SLC35D4: variants seen among roughly 807,000 people sequenced by gnomAD.
SLC35D4 encodes the protein solute carrier family 35 member D4.
the SLC35D4 span, among the ~76,000 whole-genome samples, chr18:23,388,138 CTAGACCCAACTT>C: frequency 1.3e-5 from 2 of 152,176 alleles, no homozygotes; most frequent in African/African-American, 2.4e-5. Flanking sequence ...TCAGATAATT[CTAGACCCAACTT>C]TAGACTTCGA....
chr18:23,365,392 C>T, the SLC35D4 span, among the ~76,000 whole-genome samples: 2 of 152,164 alleles, frequency 1.3e-5, no homozygotes, highest in African/African-American at 4.8e-5. Flanking sequence ...GGAAATAGAC[C>T]TGTCTGTATA....
the SLC35D4 span, among the ~76,000 whole-genome samples, chr18:23,335,841 T>A: frequency 2.6e-5 from 4 of 152,194 alleles, no homozygotes; most frequent in Non-Finnish European, 4.4e-5. Flanking sequence ...TTTCATTTTT[T>A]AAAAAATTAT....
the SLC35D4 span, among the ~76,000 whole-genome samples, chr18:23,320,150 G>A: frequency 6.6e-6 from 1 of 152,222 alleles, no homozygotes; most frequent in Admixed American, 6.5e-5. Context: ...ACAAATATTA[G>A]ATCTTATGAA....
the SLC35D4 span, among the ~76,000 whole-genome samples, chr18:23,400,867 A>C: frequency 6.6e-6 from 1 of 152,198 alleles, no homozygotes; most frequent in East Asian, 1.9e-4. Context: ...TGGAGAACCT[A>C]GCATTTAAAT....
the SLC35D4 span, among the ~76,000 whole-genome samples, chr18:23,248,095 G>A: frequency 4.3e-4 from 65 of 152,326 alleles, no homozygotes; most frequent in South Asian, 4.8e-3. Context: ...TGGGCCTGGC[G>A]CGCTCTGCCA....
the SLC35D4 span, among the ~76,000 whole-genome samples, chr18:23,383,554 C>A: frequency 6.6e-6 from 1 of 151,992 alleles, no homozygotes; most frequent in Non-Finnish European, 1.5e-5. Context: ...GTGACAGGGA[C>A]AAGAGGGCAT....
At chr18:23,435,351 G>T in the SLC35D4 span, among the ~76,000 whole-genome samples, 1 of 152,010 alleles carries the variant, frequency 6.6e-6, no homozygotes, top group Non-Finnish European at 1.5e-5. Context: ...TGATTATGTG[G>T]AAATAAAAGA....
At chr18:23,292,547 C>T in the SLC35D4 span, among the ~76,000 whole-genome samples, 1 of 152,346 alleles carries the variant, frequency 6.6e-6, no homozygotes, top group African/African-American at 2.4e-5. Flanking sequence ...CAAATCACCT[C>T]AGAGATGTGA....
At chr18:23,419,046 T>C in the SLC35D4 span, among the ~76,000 whole-genome samples, 10 of 151,970 alleles carry the variant, frequency 6.6e-5, no homozygotes, top group Non-Finnish European at 8.8e-5. Flanking sequence ...AAGCAGTTAA[T>C]CTGATTAACG....
chr18:23,298,631 G>C, the SLC35D4 span, among the ~76,000 whole-genome samples: 22 of 152,202 alleles, frequency 1.4e-4, no homozygotes, highest in Non-Finnish European at 2.9e-4. Flanking sequence ...GACAGAGAGG[G>C]AAGAAGAGCT....
chr18:23,255,557 A>AT, the SLC35D4 span, among the ~76,000 whole-genome samples: 3,842 of 132,528 alleles, frequency 0.029, 95 homozygotes, highest in African/African-American at 0.063. Context: ...TGAACTAATG[A>AT]TTTTTTTTTT....
At chr18:23,421,271 C>T in the SLC35D4 span, 1 of 1,004,928 alleles carries the variant, frequency 1.0e-6, no homozygotes, top group Non-Finnish European at 1.5e-6. Context: ...AATAAATAAA[C>T]CTCTGTGCTT....
chr18:23,285,939 A>C, the SLC35D4 span, among the ~76,000 whole-genome samples: 1 of 151,762 alleles, frequency 6.6e-6, no homozygotes, highest in Non-Finnish European at 1.5e-5. Context: ...GCTCTTTTTC[A>C]TCAAATATAA....
chr18:23,265,214 C>T, the SLC35D4 span, among the ~76,000 whole-genome samples: 32 of 152,186 alleles, frequency 2.1e-4, no homozygotes, highest in Admixed American at 3.3e-4. Flanking sequence ...GAGACACTGA[C>T]CAGAAATGAG....
chr18:23,304,445 T>C, the SLC35D4 span, among the ~76,000 whole-genome samples: 1 of 147,836 alleles, frequency 6.8e-6, no homozygotes, highest in Non-Finnish European at 1.5e-5. Context: ...ATAAAATATA[T>C]ATAATTCTTG....
At chr18:23,241,832 T>C in the SLC35D4 span, among the ~76,000 whole-genome samples, 1 of 152,176 alleles carries the variant, frequency 6.6e-6, no homozygotes, top group Non-Finnish European at 1.5e-5. Flanking sequence ...AGTGGGAAGC[T>C]TCCAGAGGTG....
At chr18:23,388,594 T>C in the SLC35D4 span, among the ~76,000 whole-genome samples, 1 of 145,856 alleles carries the variant, frequency 6.9e-6, no homozygotes, top group Admixed American at 7.0e-5. Context: ...AAGTTCAATA[T>C]GACTGGTGTG....
At chr18:23,417,694 T>C in the SLC35D4 span, among the ~76,000 whole-genome samples, 2 of 152,252 alleles carry the variant, frequency 1.3e-5, no homozygotes, top group African/African-American at 4.8e-5. Context: ...ATACATATTT[T>C]ATTAATAACA....
At chr18:23,405,346 C>T in the SLC35D4 span, among the ~76,000 whole-genome samples, 6 of 152,082 alleles carry the variant, frequency 3.9e-5, no homozygotes, top group Non-Finnish European at 8.8e-5. Flanking sequence ...CACTACCACG[C>T]CTGGCTAATT....
Sources: gnomAD v4.1 joint callset for allele counts (sites outside exome capture counted in the v4.1 genomes callset) on GRCh38, gnomAD v4.1.1 for gene constraint, MANE v1.5 for transcripts, NCBI Gene and HGNC (gene_info 2026-07-23, HGNC 2026-07-21) for gene names.